The following DLG2 variants were observed in gnomAD, a reference collection of about 807,000 sequenced individuals.
DLG2 encodes discs large MAGUK scaffold protein 2.
In DLG2, 45 loss-of-function variants were observed where a neutral mutation model predicts 132.5. The ratio of observed to expected loss-of-function variants is 0.34; its 90% CI spans 0.27 to 0.44. The LOEUF is 0.44. Among genes scored for constraint, DLG2 ranks in the 20% least tolerant of loss-of-function variants. DLG2 has a pLI of 1.00. For missense variants in DLG2, 1,045 were observed against 1,196.9 expected (o/e 0.87, Z 1.87); for synonymous variants, 424 against 419.6 (o/e 1.01, Z -0.13).
chr11:84,907,760 T>C lies in DLG2; in HGVS notation c.357+203901A>G, dbSNP rs2091674777. On this transcript the variant is annotated intron_variant, in intron 6 of 27. Transcript: ENST00000376104. ...CCTGTCTGCACCCAATGACAGAGTT[T>C]GCATTCTCCCAAGACAATATAAATA... 3.9e-5 allele frequency among the ~76,000 whole-genome samples: 6 copies of C among 152,288 alleles called. No individual in the cohort carries two copies. The South Asian group carries it at 1.2e-3, about 32-fold the overall frequency.
intron 6 of DLG2, among the ~76,000 whole-genome samples, chr11:84,984,309 G>A (rs954622361): frequency 2.6e-5 from 4 of 152,264 alleles, no homozygotes; most frequent in African/African-American, 9.6e-5. Flanking sequence ...AAGCTAGAAG[G>A]GATTGGGACT....
chr11:84,842,152 A>C (rs1049412974), intron 6 of DLG2, among the ~76,000 whole-genome samples: 1 of 152,014 alleles, frequency 6.6e-6, no homozygotes, highest in African/African-American at 2.4e-5. Context: ...TCATGAGATC[A>C]AGAGGGACTA....
At chr11:85,385,125 C>A (rs1269466019) in intron 3 of DLG2, among the ~76,000 whole-genome samples, 1 of 152,168 alleles carries the variant, frequency 6.6e-6, no homozygotes, top group Non-Finnish European at 1.5e-5. Context: ...AACTCTTTAG[C>A]CTTCTGGCTC....
Position 84,810,866 on chromosome 11 carries a change from T to G in DLG2, c.358-276135A>C, listed in dbSNP as rs193224022. Among the ~76,000 whole-genome samples the G allele has an allele frequency of 2.6e-5, 4 of 152,020 alleles. No individual in the cohort carries two copies. In the East Asian group the frequency reaches 7.7e-4, roughly 29 times the overall value. The stretch of plus-strand genomic sequence containing the variant: ...TGATGATTTCATTTGTATAACATTA[T>G]TTAAAGTGACGATATTATAGAAATG... On this transcript the variant is annotated intron_variant, in intron 6 of 27. Coordinates refer to ENST00000376104, the MANE Select transcript of DLG2 (RefSeq NM_001142699.3).
At chr11:85,302,667 A>C (rs910644770) in intron 3 of DLG2, among the ~76,000 whole-genome samples, 1 of 150,638 alleles carries the variant, frequency 6.6e-6, no homozygotes, top group Non-Finnish European at 1.5e-5. Context: ...AAAAAAAAAC[A>C]GTCAGTTAGT....
chr11:85,074,079 T>G (rs904029873), intron 6 of DLG2, among the ~76,000 whole-genome samples: 2 of 151,762 alleles, frequency 1.3e-5, no homozygotes, highest in African/African-American at 4.8e-5. Flanking sequence ...CAACAGACAC[T>G]GGAGCCTACT....
intron 7 of DLG2, among the ~76,000 whole-genome samples, chr11:84,384,818 C>A (rs958793462): frequency 1.3e-5 from 2 of 151,988 alleles, no homozygotes; most frequent in Non-Finnish European, 2.9e-5. Context: ...TGCAATGACT[C>A]CAGAAGCCAC....
intron 10 of DLG2, among the ~76,000 whole-genome samples, chr11:84,061,819 T>A (rs1039180035): frequency 2.1e-5 from 3 of 142,544 alleles, no homozygotes; most frequent in Non-Finnish European, 4.5e-5. Flanking sequence ...ATGGCTTTAA[T>A]AGACTTACAC....
At chr11:84,813,900 C>T (rs1021666465) in intron 6 of DLG2, among the ~76,000 whole-genome samples, 1 of 152,036 alleles carries the variant, frequency 6.6e-6, no homozygotes, top group Admixed American at 6.6e-5. Context: ...ACTAACTTTT[C>T]TTGCTCTTCT....
intron 9 of DLG2, among the ~76,000 whole-genome samples, chr11:84,141,704 T>C (rs1431915636): frequency 6.6e-6 from 1 of 152,192 alleles, no homozygotes; most frequent in Non-Finnish European, 1.5e-5. Flanking sequence ...AAAAAAATTA[T>C]TTAACTACTA....
intron 6 of DLG2, among the ~76,000 whole-genome samples, chr11:84,766,289 C>T (rs1320986045): frequency 6.6e-6 from 1 of 152,014 alleles, no homozygotes; most frequent in African/African-American, 2.4e-5. Flanking sequence ...AGGTGCATTT[C>T]TATGTGGAGT....
intron 5 of DLG2, among the ~76,000 whole-genome samples, chr11:85,112,231 C>T (rs2072889802): frequency 6.6e-6 from 1 of 152,070 alleles, no homozygotes; most frequent in Non-Finnish European, 1.5e-5. Context: ...CAGAGGCCTT[C>T]TTATCACATG....
chr11:84,040,471 A>C (rs896530045), intron 11 of DLG2, among the ~76,000 whole-genome samples: 8 of 150,976 alleles, frequency 5.3e-5, no homozygotes, highest in African/African-American at 1.9e-4. Flanking sequence ...CATTTATTAA[A>C]TAGGGAATCC....
chr11:84,045,514 G>A (rs1362969795), intron 11 of DLG2, among the ~76,000 whole-genome samples: 2 of 151,674 alleles, frequency 1.3e-5, no homozygotes, highest in African/African-American at 2.4e-5. Flanking sequence ...ATATTCAATT[G>A]TCTTATTCTT....
rs2088985532 is a variant in DLG2, at chr11:83,456,389, A to G, written c.*3429T>C. 1 of 152,726 alleles carries G rather than the reference A, an allele frequency of 6.5e-6. No individual in the cohort carries two copies. Among genetic ancestry groups the G allele is most frequent in the African/African-American group, 2.4e-5 (1 of 41,466 alleles). 9.5% of individuals were successfully genotyped at this position (152,726 alleles called of 1,614,324 possible). A position where few individuals can be genotyped will look rare whatever the true frequency, so the allele number is the denominator to read the frequency against. ...AGTAGGTGAAACGGCGACCTAAAGT[A>G]TTTGTGTCATTAGTCCAGTGCATGG... On this transcript the variant is annotated 3_prime_UTR_variant, in exon 28 of 28. Coordinates refer to ENST00000376104, the MANE Select transcript of DLG2 (RefSeq NM_001142699.3).
chr11:83,806,838 C>G (rs751005520), intron 17 of DLG2, among the ~76,000 whole-genome samples: 3 of 152,082 alleles, frequency 2.0e-5, no homozygotes, highest in Non-Finnish European at 2.9e-5. Flanking sequence ...ATTTCAGTGT[C>G]TAATAGTGAA....
chr11:83,641,545 GA>G (rs2066513559), intron 18 of DLG2, among the ~76,000 whole-genome samples: 1 of 152,114 alleles, frequency 6.6e-6, no homozygotes, highest in Non-Finnish European at 1.5e-5. Context: ...GGTACACTTA[GA>G]GCTTTTCTCA....
chr11:83,503,515 A>G (rs2094555522), intron 21 of DLG2, among the ~76,000 whole-genome samples: 1 of 150,840 alleles, frequency 6.6e-6, no homozygotes, highest in African/African-American at 2.4e-5. Flanking sequence ...ACAATAAGGC[A>G]TCTGCAAGCT....
chr11:85,379,435 A>G (rs1405775094), intron 3 of DLG2, among the ~76,000 whole-genome samples: 2 of 152,166 alleles, frequency 1.3e-5, no homozygotes, highest in Non-Finnish European at 1.5e-5. Context: ...ATCTCCCTAC[A>G]TGTTCCTCAG....
Sources: allele counts gnomAD v4.1 joint callset (sites outside exome capture counted in the v4.1 genomes callset), GRCh38; gene constraint gnomAD v4.1.1; transcripts MANE v1.5; gene names NCBI Gene and HGNC (gene_info 2026-07-23, HGNC 2026-07-21).